The following CTNNA1 variants were observed in gnomAD, a reference collection of about 807,000 sequenced individuals.
CTNNA1 encodes the protein catenin alpha 1, also known as catenin alpha-1.
Under a neutral mutation model 98.4 loss-of-function variants are expected in CTNNA1, and 37 were observed. The observed-to-expected ratio is 0.38, with a 90% confidence interval of 0.29 to 0.49. CTNNA1 has a LOEUF of 0.49. CTNNA1 is among the 20% of genes least tolerant of loss of function. The pLI is 0.95. For synonymous variants in CTNNA1, 404 were observed against 413.2 expected (o/e 0.98, Z 0.27); for missense variants, 761 against 1,147.2 (o/e 0.66, Z 4.86).
chr5:138,919,737 GA>G (rs1341150243), intron 11 of CTNNA1, among the ~76,000 whole-genome samples: 3 of 152,156 alleles, frequency 2.0e-5, no homozygotes, highest in African/African-American at 7.2e-5. Flanking sequence ...CTGAATTTTA[GA>G]AGTCTACCTG....
intron 16 of CTNNA1, 180 bp downstream of exon 16, chr5:138,931,115 T>C: frequency 1.7e-6 from 1 of 590,974 alleles, no homozygotes; most frequent in Non-Finnish European, 3.1e-6. Context: ...GTGTATGTCC[T>C]GGAATCTTCC....
intron 17 of CTNNA1, chr5:138,932,913 A>G (rs759412238): frequency 2.5e-6 from 2 of 800,246 alleles, no homozygotes; most frequent in Admixed American, 1.7e-5. Context: ...GGGGCACTGC[A>G]AGGGCTGAAA....
At chr5:138,910,292 G>A (rs1180715151) in intron 10 of CTNNA1, among the ~76,000 whole-genome samples, 2 of 58,154 alleles carry the variant, frequency 3.4e-5, no homozygotes, top group Non-Finnish European at 6.5e-5. Flanking sequence ...TTCTTTGTAT[G>A]TTTGGGAGAA....
At chr5:138,911,814 A>G (rs1760692459) in intron 10 of CTNNA1, among the ~76,000 whole-genome samples, 1 of 152,250 alleles carries the variant, frequency 6.6e-6, no homozygotes. Flanking sequence ...GCAAGAGTAC[A>G]GTGGATATGG....
At chr5:138,933,751 C>G (rs941937044) in intron 17 of CTNNA1, 51 bp from the exon 18 acceptor site, 10 of 1,580,370 alleles carry the variant, frequency 6.3e-6, no homozygotes, top group Admixed American at 1.7e-5. Flanking sequence ...CCTGTGTCCA[C>G]GAGGCTGGAG....
At chr5:138,798,630 A>G (rs1035409005) in intron 3 of CTNNA1, among the ~76,000 whole-genome samples, 4 of 152,296 alleles carry the variant, frequency 2.6e-5, no homozygotes, top group African/African-American at 9.6e-5. Flanking sequence ...CTCCTAATAA[A>G]GAATTGTGGG....
chr5:138,841,286 G>T (rs1762245253), intron 7 of CTNNA1, among the ~76,000 whole-genome samples: 1 of 152,090 alleles, frequency 6.6e-6, no homozygotes, highest in Non-Finnish European at 1.5e-5. Context: ...TTGAGATGGA[G>T]TTTCCCTCTG....
At chr5:138,898,281 C>G (rs908701456) in intron 9 of CTNNA1, among the ~76,000 whole-genome samples, 2 of 150,716 alleles carry the variant, frequency 1.3e-5, no homozygotes, top group Non-Finnish European at 2.9e-5. Context: ...ACTATGCTTT[C>G]TGTACAGCCT....
At position 138,783,383 on chromosome 5, in the gene CTNNA1, A is replaced by C; in HGVS notation, c.301+11A>C. The C allele has an allele frequency of 1.9e-6, 3 of 1,603,492 alleles. No homozygotes were observed. Among genetic ancestry groups the C allele is most frequent in the Non-Finnish European group, 2.6e-6 (3 of 1,173,738 alleles). On this transcript the variant is annotated intron_variant, in intron 3 of 17. Transcript: ENST00000302763. ...ATGTTCGAAAACAAGGTAGGTCATTACTGCTTTTTAGGTAAAGAGAGGCAG... is the reference window on the plus strand; with the variant it reads ...ATGTTCGAAAACAAGGTAGGTCATTCCTGCTTTTTAGGTAAAGAGAGGCAG...
At chr5:138,760,261 T>G (rs1442653324) in intron 1 of CTNNA1, among the ~76,000 whole-genome samples, 1 of 152,024 alleles carries the variant, frequency 6.6e-6, no homozygotes, top group African/African-American at 2.4e-5. Context: ...ACCAAAGTGC[T>G]GGGATTGCAG....
chr5:138,767,983 A>T (rs1402584641), intron 1 of CTNNA1, among the ~76,000 whole-genome samples: 1 of 152,226 alleles, frequency 6.6e-6, no homozygotes, highest in Admixed American at 6.5e-5. Flanking sequence ...TTGAATCAGA[A>T]TCTGTGTTTT....
At chr5:138,841,938 G>A (rs1393483722) in intron 7 of CTNNA1, among the ~76,000 whole-genome samples, 1 of 152,164 alleles carries the variant, frequency 6.6e-6, no homozygotes, top group Non-Finnish European at 1.5e-5. Context: ...ACTTCTCCTT[G>A]CTTTGAGAGA....
chr5:138,801,090 G>A (rs138345111), intron 3 of CTNNA1, among the ~76,000 whole-genome samples: 215 of 152,314 alleles, frequency 1.4e-3, no homozygotes, highest in African/African-American at 4.8e-3. Context: ...AGGTGGAGAT[G>A]ATTAGCATCG....
At chr5:138,775,620 C>G (rs1444362289) in intron 1 of CTNNA1, among the ~76,000 whole-genome samples, 1 of 151,404 alleles carries the variant, frequency 6.6e-6, no homozygotes, top group Non-Finnish European at 1.5e-5. Context: ...CAAATTTTGT[C>G]AATTGTCTCA....
chr5:138,920,520 C>T (rs1762712619), intron 11 of CTNNA1, among the ~76,000 whole-genome samples: 1 of 152,182 alleles, frequency 6.6e-6, no homozygotes, highest in Admixed American at 6.5e-5. Context: ...GGCAAGTGCC[C>T]AGCACAGGAT....
chr5:138,780,686 T>C (rs546714599), intron 1 of CTNNA1, among the ~76,000 whole-genome samples: 1 of 152,082 alleles, frequency 6.6e-6, no homozygotes, highest in African/African-American at 2.4e-5. Flanking sequence ...CTGGCTAATT[T>C]TGTATTTTTA....
At chr5:138,825,541 A>C (rs867803729) in intron 6 of CTNNA1, among the ~76,000 whole-genome samples, 10 of 137,792 alleles carry the variant, frequency 7.3e-5, no homozygotes, top group Non-Finnish European at 1.4e-4. Flanking sequence ...AAAAAAAAAA[A>C]AACAAACCAA....
In CTNNA1 at chr5:138,930,625, G is replaced by A; in HGVS notation, c.2163G>A (p.Met721Ile). The change falls in exon 15 of 18, where the codon ATG (methionine) becomes ATA (isoleucine). Residue 721 changes from methionine (M) to isoleucine (I), a missense_variant. Physicochemically the swap from Met to Ile is conservative, Grantham distance 10. Around this residue, in one of 6 missense-constraint regions of CTNNA1, gnomAD observed 77 missense variants for 198.8 expected, o/e 0.39. Coordinates refer to ENST00000302763, the MANE Select transcript of CTNNA1 (RefSeq NM_001903.5). ...TTGTGCTGGCCAAGCAGATGTGCATGATTATGATGGAGATGACAGACTTTA... is the reference window on the plus strand; with the variant it reads ...TTGTGCTGGCCAAGCAGATGTGCATAATTATGATGGAGATGACAGACTTTA... ...DIIVLAKQMC[M>I]IMMEMTDFTR... The A allele has an allele frequency of 6.2e-7, 1 of 1,613,582 alleles. No homozygotes were observed. The highest frequency in any genetic ancestry group is 8.5e-7 in the Non-Finnish European group (1 of 1,179,794).
chr5:138,861,200 T>C (rs1764240717), intron 7 of CTNNA1, among the ~76,000 whole-genome samples: 1 of 152,098 alleles, frequency 6.6e-6, no homozygotes, highest in South Asian at 2.1e-4. Flanking sequence ...TTTGTACTTT[T>C]AGTAGAGACG....
Sources: allele counts gnomAD v4.1 joint callset (sites outside exome capture counted in the v4.1 genomes callset), GRCh38; gene constraint gnomAD v4.1.1; regional missense constraint gnomAD v4.1.1; transcripts MANE v1.5; gene names NCBI Gene and HGNC (gene_info 2026-07-23, HGNC 2026-07-21).